PML: variants seen among roughly 807,000 people sequenced by gnomAD.
PML encodes the protein protein PML.
A neutral mutation model predicts 65.2 loss-of-function variants in PML; 28 were observed. The observed-to-expected ratio is 0.43, with a 90% CI of 0.32 to 0.59. PML has a LOEUF of 0.59. PML is among the 20% of genes least tolerant of loss of function. The pLI is 0.08. For synonymous variants in PML, 500 were observed against 508.8 expected (o/e 0.98, Z 0.23); for missense variants, 1,021 against 1,203.4 (o/e 0.85, Z 2.24).
At chr15:74,024,682 G>C (rs923779144) in intron 3 of PML, among the ~76,000 whole-genome samples, 175 bp from the exon 4 acceptor site, 11 of 152,174 alleles carry the variant, frequency 7.2e-5, no homozygotes, top group Non-Finnish European at 1.6e-4. Flanking sequence ...CACTGCATTC[G>C]AGAGAGCTCT....
intron 2 of PML, among the ~76,000 whole-genome samples, chr15:74,000,160 C>A (rs1325266450): frequency 6.6e-6 from 1 of 152,114 alleles, no homozygotes; most frequent in Non-Finnish European, 1.5e-5. Context: ...AATTTGTAAG[C>A]TTTCATGTTT....
At chr15:74,013,172 T>G (rs1326959506) in intron 2 of PML, among the ~76,000 whole-genome samples, 1 of 152,240 alleles carries the variant, frequency 6.6e-6, no homozygotes, top group East Asian at 1.9e-4. Context: ...AAAATTATCT[T>G]TATTTCAATT....
At chr15:73,995,038 T>C in intron 1 of PML, 97 bp downstream of exon 1, 1 of 1,157,288 alleles carries the variant, frequency 8.6e-7, no homozygotes, top group Admixed American at 2.8e-5. Context: ...TTTGGTCAAG[T>C]ACCCTAGAGA....
Position 73,998,270 on chromosome 15 carries a change from C to T in PML, c.396C>T (p.Cys132=), listed in dbSNP as rs890982326. The change falls in exon 2 of 9, where the codon TGC becomes TGT. Residue 132 remains cysteine (C), a synonymous_variant. Coordinates refer to ENST00000268058, the MANE Select transcript of PML (RefSeq NM_033238.3). ...ATGCGCAGGCTGTGTGCACCCGCTG[C>T]AAAGAGTCGGCCGACTTCTGGTGCT... ...IVDAQAVCTR[C]KESADFWCFE... 6 of 1,614,092 alleles carry T rather than the reference C, an allele frequency of 3.7e-6. No individual in the cohort carries two copies. In the Admixed American group the frequency reaches 1.0e-4, roughly 27 times the overall value.
intron 6 of PML, chr15:74,033,873 T>G: frequency 2.2e-6 from 1 of 463,666 alleles, no homozygotes. Flanking sequence ...GTCAGAGTTA[T>G]CTTCTATGAA....
At chr15:74,018,637 A>G (rs2070703126) in intron 2 of PML, among the ~76,000 whole-genome samples, 1 of 152,146 alleles carries the variant, frequency 6.6e-6, no homozygotes, top group Non-Finnish European at 1.5e-5. Context: ...GCACACAATC[A>G]TGGCTTTGTA....
Position 74,045,370 on chromosome 15 carries a change from G to GC in PML, c.*365dup, listed in dbSNP as rs1306029931. On this transcript the variant is annotated 3_prime_UTR_variant, in exon 9 of 9. Coordinates refer to ENST00000268058, the MANE Select transcript of PML (RefSeq NM_033238.3). ...CTACCTTGGGTGTCCTTACAGCTCT[G>GC]CCCTGACCCCAGCCCCTGCCCCTGG... 12 of 318,618 alleles carry GC rather than the reference G, an allele frequency of 3.8e-5. 1 individual carries two copies. The South Asian group carries it at 4.9e-4, about 13-fold the overall frequency. 19.7% of individuals were successfully genotyped at this position (318,618 alleles called of 1,614,324 possible). A position where few individuals can be genotyped will look rare whatever the true frequency, so the allele number is the denominator to read the frequency against.
At chr15:74,016,706 A>G (rs1288349072) in intron 2 of PML, among the ~76,000 whole-genome samples, 2 of 150,434 alleles carry the variant, frequency 1.3e-5, no homozygotes, top group East Asian at 2.0e-4. Flanking sequence ...AACAACATTT[A>G]GTGTTGTATA....
intron 7 of PML, among the ~76,000 whole-genome samples, chr15:74,039,798 A>G (rs1200558604): frequency 6.6e-6 from 1 of 152,176 alleles, no homozygotes; most frequent in Non-Finnish European, 1.5e-5. Context: ...TTGTTTATAG[A>G]TGTGGCAGTC....
At chr15:74,036,953 C>G (rs955453656) in intron 7 of PML, 2 of 985,456 alleles carry the variant, frequency 2.0e-6, no homozygotes, top group South Asian at 9.4e-5. Flanking sequence ...CTCCCTCCAG[C>G]CCCGCGCACT....
chr15:74,019,344 T>C (rs573937736), intron 2 of PML, among the ~76,000 whole-genome samples: 6 of 152,338 alleles, frequency 3.9e-5, no homozygotes, highest in Admixed American at 1.3e-4. Context: ...TCCCCAAGTG[T>C]CCAAGATCCA....
rs949171021 is a variant in PML at position 74,037,678 on chromosome 15, G to A, written c.1710+3148G>A. On this transcript the variant is annotated intron_variant, in intron 7 of 8. Coordinates refer to ENST00000268058, the MANE Select transcript of PML (RefSeq NM_033238.3). This position sits in a 1 kb window ranked among gnomAD's most constrained non-coding sequence, Gnocchi z 4.2. ...TTAGTCGTTATTATTCTTGACCGGC[G>A]CTGGGCCCGGTCTTTCCTGGAAAGA... 1.0e-6 allele frequency: 1 copy of A among 985,314 alleles called. No individual in the cohort carries two copies. Among genetic ancestry groups the A allele is most frequent in the Non-Finnish European group, 1.2e-6 (1 of 829,918 alleles). 61.0% of individuals were successfully genotyped at this position (985,314 alleles called of 1,614,324 possible). A position where few individuals can be genotyped will look rare whatever the true frequency, so the allele number is the denominator to read the frequency against.
rs2071607872 is a variant in PML at position 74,037,884 on chromosome 15, C to G, written c.1710+3354C>G. Reference sequence around the variant, plus strand: ...GTTACTGCCCAGGGGTAGCTGATACCCAACACTCGCACCTGCCTGCCAGAC... The same window carrying G: ...GTTACTGCCCAGGGGTAGCTGATACGCAACACTCGCACCTGCCTGCCAGAC... On this transcript the variant is annotated intron_variant, in intron 7 of 8. Transcript: ENST00000268058. This position sits in a 1 kb window ranked among gnomAD's most constrained non-coding sequence, Gnocchi z 4.2. 1.5e-5 allele frequency: 3 copies of G among 200,148 alleles called. No individual in the cohort carries two copies. The South Asian group carries it at 5.2e-4, about 35-fold the overall frequency. 12.4% of individuals were successfully genotyped at this position (200,148 alleles called of 1,614,324 possible).
At chr15:74,020,098 T>C (rs2070766816) in intron 2 of PML, among the ~76,000 whole-genome samples, 1 of 152,214 alleles carries the variant, frequency 6.6e-6, no homozygotes, top group South Asian at 2.1e-4. Context: ...TATTGCCAAA[T>C]TGCCTTCTGT....
chr15:74,043,361 G>A lies in PML; in HGVS notation c.1861+222G>A. 2 of 1,441,360 alleles carry A rather than the reference G, an allele frequency of 1.4e-6. No individual in the cohort carries two copies. The allele number at this position is 1,441,360 out of a possible 1,614,324, so 89.3% of individuals were successfully genotyped here. ...TTATCCAGTGCCTGAGTGTGCGAGAGAGGCAGATGCCTCCACAAGTGCACC... is the reference window on the plus strand; with the variant it reads ...TTATCCAGTGCCTGAGTGTGCGAGAAAGGCAGATGCCTCCACAAGTGCACC... On this transcript the variant is annotated intron_variant, in intron 8 of 8. Coordinates refer to ENST00000268058, the MANE Select transcript of PML (RefSeq NM_033238.3). The surrounding 1 kb of genome is among the most constrained non-coding windows in gnomAD (Gnocchi z 4.3).
intron 4 of PML, chr15:74,025,269 G>T (rs1012503086): frequency 8.5e-5 from 32 of 374,574 alleles, no homozygotes; most frequent in Admixed American, 2.2e-4. Flanking sequence ...CCAGCCATGA[G>T]AAACTATGGT....
chr15:74,035,422 G>T lies in PML; in HGVS notation c.1710+892G>T. On this transcript the variant is annotated intron_variant, in intron 7 of 8. Transcript: ENST00000268058. This position sits in a 1 kb window ranked among gnomAD's most constrained non-coding sequence, Gnocchi z 4.1. ...CAGGAGCGCCCTGCCGTCCACCGTG[G>T]GATCCGCTACCTGTTGTACAGAGCA... 6.2e-7 allele frequency: 1 copy of T among 1,612,066 alleles called. No homozygotes were observed.
chr15:74,006,001 T>G (rs2070027365), intron 2 of PML, among the ~76,000 whole-genome samples: 1 of 152,188 alleles, frequency 6.6e-6, no homozygotes, highest in African/African-American at 2.4e-5. Context: ...GAGGTGGATT[T>G]CTCTCCATTA....
In PML at chr15:74,036,424, G is replaced by A. The variant is rs925800116; in HGVS notation, c.1710+1894G>A. The A allele has an allele frequency of 1.2e-5, 16 of 1,291,712 alleles. No homozygotes were observed. The African/African-American group carries it at 1.5e-4, about 12-fold the overall frequency. The allele number at this position is 1,291,712 out of a possible 1,614,324, so 80.0% of individuals were successfully genotyped here. A position where few individuals can be genotyped will look rare whatever the true frequency, so the allele number is the denominator to read the frequency against. ...TGCGAACCCTTATTCCACGACCATC[G>A]CGTTCTCCGATGGATCCAGCTCCTC... On this transcript the variant is annotated intron_variant, in intron 7 of 8. Transcript: ENST00000268058.
Sources: allele counts gnomAD v4.1 joint callset (sites outside exome capture counted in the v4.1 genomes callset), GRCh38; gene constraint gnomAD v4.1.1; non-coding constraint Gnocchi (gnomAD v3.1); transcripts MANE v1.5; gene names NCBI Gene and HGNC (gene_info 2026-07-23, HGNC 2026-07-21).